The following TLN2 variants were observed in gnomAD, a reference collection of about 807,000 sequenced individuals.
TLN2 encodes the protein talin-2.
A neutral mutation model predicts 294.7 loss-of-function variants in TLN2; 118 were observed. The ratio of observed to expected loss-of-function variants is 0.40; its 90% CI spans 0.34 to 0.47. The LOEUF (loss-of-function observed/expected upper bound fraction) is 0.47, where lower values mean the gene tolerates loss of function less well. TLN2 is among the 20% of genes least tolerant of loss of function. The pLI is 0.84. For synonymous variants in TLN2, 1,431 were observed against 1,304.5 expected (o/e 1.10, Z -2.09); for missense variants, 3,083 against 3,282.2 (o/e 0.94, Z 1.48).
chr15:62,763,223 CT>C (rs77149979), intron 39 of TLN2: 16,060 of 126,496 alleles, frequency 0.13, 853 homozygotes, highest in South Asian at 0.19. Flanking sequence ...TTTTTTTTTT[CT>C]TTTTTTTTTT....
At chr15:62,781,325 T>G in intron 44 of TLN2, 84 bp downstream of exon 44, 8 of 1,041,090 alleles carry the variant, frequency 7.7e-6, no homozygotes, top group Non-Finnish European at 1.2e-5. Context: ...CCCAGATCTG[T>G]GTCAGAGAGA....
At chr15:62,399,738 C>G (rs2032879980) in intron 1 of TLN2, among the ~76,000 whole-genome samples, 1 of 152,206 alleles carries the variant, frequency 6.6e-6, no homozygotes, top group Non-Finnish European at 1.5e-5. Flanking sequence ...CCAATTTCTC[C>G]TATTTGGAAT....
chr15:62,435,891 C>T (rs1467359400), intron 1 of TLN2, among the ~76,000 whole-genome samples: 1 of 152,164 alleles, frequency 6.6e-6, no homozygotes, highest in East Asian at 1.9e-4. Flanking sequence ...GCTGTGAATA[C>T]TTTCCCTCAT....
At chr15:62,391,793 C>T (rs1418253987) in intron 1 of TLN2, among the ~76,000 whole-genome samples, 1 of 152,256 alleles carries the variant, frequency 6.6e-6, no homozygotes, top group Non-Finnish European at 1.5e-5. Flanking sequence ...TTGCCGCCTT[C>T]CTCTGTCCCG....
intron 11 of TLN2, among the ~76,000 whole-genome samples, chr15:62,682,410 T>A (rs1338683826): frequency 1.3e-5 from 2 of 152,202 alleles, no homozygotes; most frequent in Non-Finnish European, 2.9e-5. Context: ...AGAGCATGTC[T>A]GCGAGTCATA....
At chr15:62,744,103 C>G (rs190738143) in intron 32 of TLN2, among the ~76,000 whole-genome samples, 1 of 152,196 alleles carries the variant, frequency 6.6e-6, no homozygotes, top group Non-Finnish European at 1.5e-5. Context: ...CCATCCAAAT[C>G]AGGATGTCAC....
At chr15:62,644,332 CT>C (rs1237157241) in intron 3 of TLN2, among the ~76,000 whole-genome samples, 3 of 152,090 alleles carry the variant, frequency 2.0e-5, no homozygotes, top group Admixed American at 2.0e-4. Context: ...TCACCTACCC[CT>C]GTGCCTCCTT....
intron 54 of TLN2, among the ~76,000 whole-genome samples, chr15:62,825,057 G>A (rs747038628): frequency 6.6e-6 from 1 of 152,166 alleles, no homozygotes; most frequent in Non-Finnish European, 1.5e-5. Flanking sequence ...TGATGACACA[G>A]GAGAGGGTCC....
At chr15:62,425,454 G>A (rs1457282358) in intron 1 of TLN2, among the ~76,000 whole-genome samples, 1 of 152,176 alleles carries the variant, frequency 6.6e-6, no homozygotes, top group African/African-American at 2.4e-5. Context: ...GTTGCAGTGA[G>A]GGGCATTGAC....
At chr15:62,531,505 A>C (rs2041041978) in intron 1 of TLN2, among the ~76,000 whole-genome samples, 1 of 152,180 alleles carries the variant, frequency 6.6e-6, no homozygotes. Flanking sequence ...GGTGAAGTGA[A>C]TATAGTAAAT....
chr15:62,429,315 AT>A (rs2034888414), intron 1 of TLN2, among the ~76,000 whole-genome samples: 1 of 152,112 alleles, frequency 6.6e-6, no homozygotes, highest in Non-Finnish European at 1.5e-5. Context: ...GGATGAACTG[AT>A]TCATCGGTTG....
At chr15:62,622,553 C>G (rs2048924610) in intron 3 of TLN2, among the ~76,000 whole-genome samples, 2 of 152,088 alleles carry the variant, frequency 1.3e-5, no homozygotes, top group South Asian at 4.1e-4. Context: ...CCTCTCTGCC[C>G]TGATACAACT....
chr15:62,511,678 G>A (rs2039948094), intron 1 of TLN2, among the ~76,000 whole-genome samples: 1 of 151,830 alleles, frequency 6.6e-6, no homozygotes, highest in Non-Finnish European at 1.5e-5. Context: ...GCTTCATGGA[G>A]TTCACCCCTG....
chr15:62,402,913 A>C (rs1042817952), intron 1 of TLN2, among the ~76,000 whole-genome samples: 3 of 152,218 alleles, frequency 2.0e-5, no homozygotes, highest in East Asian at 3.9e-4. Flanking sequence ...GATAGTCCCC[A>C]TCAGAAACAT....
At chr15:62,714,194 T>A (rs1312603736) in intron 22 of TLN2, among the ~76,000 whole-genome samples, 1 of 84,524 alleles carries the variant, frequency 1.2e-5, no homozygotes, top group African/African-American at 3.5e-5. Flanking sequence ...TGCACGTTTT[T>A]TTTTTTTTTT....
chr15:62,504,846 T>TGAGAGAGAGA (rs56056575), intron 1 of TLN2, among the ~76,000 whole-genome samples: 52 of 144,480 alleles, frequency 3.6e-4, no homozygotes, highest in Admixed American at 6.1e-4. Context: ...TGTGTGTGTG[T>TGAGAGAGAGA]GAGAGAGAGA....
intron 2 of TLN2, among the ~76,000 whole-genome samples, chr15:62,595,902 G>T (rs1371464321): frequency 6.6e-6 from 1 of 152,180 alleles, no homozygotes; most frequent in African/African-American, 2.4e-5. Context: ...GGGAGATGTT[G>T]TTCAAAGGAT....
intron 10 of TLN2, among the ~76,000 whole-genome samples, chr15:62,674,862 C>T (rs998896889): frequency 2.7e-4 from 41 of 152,316 alleles, no homozygotes; most frequent in African/African-American, 9.9e-4. Context: ...TTCTTGGTAT[C>T]ATTTAAAGTC....
intron 1 of TLN2, among the ~76,000 whole-genome samples, chr15:62,583,986 TA>T (rs1334391974): frequency 1.3e-5 from 2 of 152,238 alleles, no homozygotes; most frequent in African/African-American, 4.8e-5. Context: ...AGTAAGCATA[TA>T]TTTTACACTA....
Sources: gnomAD v4.1 joint callset for allele counts (sites outside exome capture counted in the v4.1 genomes callset) on GRCh38, gnomAD v4.1.1 for gene constraint, MANE v1.5 for transcripts, NCBI Gene and HGNC (gene_info 2026-07-23, HGNC 2026-07-21) for gene names.